The following TAFA2 variants were observed in gnomAD, a reference collection of about 807,000 sequenced individuals.
TAFA2 encodes the protein chemokine-like protein TAFA-2.
Under a neutral mutation model 18.8 loss-of-function variants are expected in TAFA2, and 7 were observed. That is an observed-to-expected ratio of 0.37 (90% confidence interval 0.21 to 0.70). The LOEUF (loss-of-function observed/expected upper bound fraction) is 0.70. TAFA2 is among the 30% of genes least tolerant of loss of function. The pLI, the probability that TAFA2 is intolerant of heterozygous loss-of-function variation, is 0.53. For synonymous variants in TAFA2, 60 were observed against 54.2 expected (o/e 1.11, Z -0.47); for missense variants, 122 against 158.1 (o/e 0.77, Z 1.23).
At chr12:61,924,538 C>T (rs1877194957) in intron 1 of TAFA2, among the ~76,000 whole-genome samples, 1 of 152,144 alleles carries the variant, frequency 6.6e-6, no homozygotes, top group South Asian at 2.1e-4. Context: ...CAAGCAAATG[C>T]TGAGAGATTT....
intron 1 of TAFA2, among the ~76,000 whole-genome samples, chr12:61,930,163 T>A (rs12305191): frequency 0.044 from 6,643 of 151,354 alleles, 479 homozygotes; most frequent in African/African-American, 0.15. Context: ...AATAAAAAAA[T>A]AAATAAATAA....
chr12:61,997,563 G>T (rs1250406595), intron 1 of TAFA2, among the ~76,000 whole-genome samples: 3 of 152,116 alleles, frequency 2.0e-5, no homozygotes, highest in Non-Finnish European at 1.5e-5. Context: ...GTTAAGAAAA[G>T]GGGAGGTGGT....
intron 1 of TAFA2, among the ~76,000 whole-genome samples, chr12:61,882,696 A>C (rs189799392): frequency 6.6e-6 from 1 of 152,080 alleles, no homozygotes; most frequent in East Asian, 1.9e-4. Flanking sequence ...ACCTTAAAAA[A>C]CCGCCTCACT....
At chr12:61,880,063 C>A in intron 1 of TAFA2, 14 of 659,748 alleles carry the variant, frequency 2.1e-5, no homozygotes, top group East Asian at 2.8e-5. Flanking sequence ...TGGTGCTGTC[C>A]ATAGACAGCA....
chr12:61,799,993 A>G (rs912227987), intron 2 of TAFA2, among the ~76,000 whole-genome samples: 2 of 152,182 alleles, frequency 1.3e-5, no homozygotes, highest in Non-Finnish European at 2.9e-5. Context: ...AATAAAATCA[A>G]GTAAATCACA....
At chr12:61,767,802 A>G (rs932723934) in intron 2 of TAFA2, among the ~76,000 whole-genome samples, 2 of 149,430 alleles carry the variant, frequency 1.3e-5, no homozygotes, top group Non-Finnish European at 1.5e-5. Flanking sequence ...TAGTTTTTAG[A>G]AAAAAAAAGC....
chr12:62,034,086 A>C (rs1881535214), intron 1 of TAFA2, among the ~76,000 whole-genome samples: 1 of 152,190 alleles, frequency 6.6e-6, no homozygotes, highest in South Asian at 2.1e-4. Flanking sequence ...GACATAATTC[A>C]TGTATTTAGA....
At chr12:61,932,766 A>G (rs897908139) in intron 1 of TAFA2, among the ~76,000 whole-genome samples, 1 of 152,160 alleles carries the variant, frequency 6.6e-6, no homozygotes, top group Non-Finnish European at 1.5e-5. Flanking sequence ...GGCCCAGGAC[A>G]GGCCCGCAAA....
chr12:61,861,244 G>T (rs1874113724), intron 2 of TAFA2, among the ~76,000 whole-genome samples: 1 of 148,478 alleles, frequency 6.7e-6, no homozygotes, highest in Non-Finnish European at 1.5e-5. Flanking sequence ...AGGCCACTGT[G>T]CCTGGCCTCG....
intron 1 of TAFA2, among the ~76,000 whole-genome samples, chr12:62,157,272 T>C (rs113133821): frequency 1.3e-5 from 2 of 152,168 alleles, no homozygotes; most frequent in African/African-American, 4.8e-5. Context: ...AGAGGATTTT[T>C]TTTTATTTAA....
At chr12:62,129,280 T>C (rs1431194134) in intron 1 of TAFA2, among the ~76,000 whole-genome samples, 1 of 152,050 alleles carries the variant, frequency 6.6e-6, no homozygotes, top group Non-Finnish European at 1.5e-5. Flanking sequence ...CCATACCACC[T>C]ATTATTTTTA....
chr12:62,247,692 T>A (rs1592419082), intron 1 of TAFA2, among the ~76,000 whole-genome samples: 1 of 152,306 alleles, frequency 6.6e-6, no homozygotes, highest in African/African-American at 2.4e-5. Context: ...AACTAGAAGA[T>A]CCATAAACAA....
intron 2 of TAFA2, among the ~76,000 whole-genome samples, chr12:61,803,912 A>T (rs958624683): frequency 6.6e-6 from 1 of 151,982 alleles, no homozygotes; most frequent in African/African-American, 2.4e-5. Flanking sequence ...CAATAGCTAT[A>T]ATTTATATAT....
At chr12:61,791,330 C>A (rs1202426779) in intron 2 of TAFA2, among the ~76,000 whole-genome samples, 1 of 151,526 alleles carries the variant, frequency 6.6e-6, no homozygotes, top group Non-Finnish European at 1.5e-5. Flanking sequence ...AAAGCACAGG[C>A]AACAAAAGCA....
At chr12:61,826,406 A>G (rs981243355) in intron 2 of TAFA2, among the ~76,000 whole-genome samples, 3 of 151,864 alleles carry the variant, frequency 2.0e-5, no homozygotes, top group African/African-American at 7.2e-5. Context: ...ATTGATGTAA[A>G]ATAGCTGGCA....
At chr12:61,954,540 A>AACAC (rs140612320) in intron 1 of TAFA2, among the ~76,000 whole-genome samples, 22 of 150,912 alleles carry the variant, frequency 1.5e-4, no homozygotes, top group African/African-American at 5.1e-4. Flanking sequence ...TAAAACACAA[A>AACAC]ACACACACAC....
chr12:61,818,044 A>G (rs922615200), intron 2 of TAFA2, among the ~76,000 whole-genome samples: 1 of 152,152 alleles, frequency 6.6e-6, no homozygotes, highest in African/African-American at 2.4e-5. Flanking sequence ...ATTCCTCCTC[A>G]TAATTCAGAG....
intron 2 of TAFA2, among the ~76,000 whole-genome samples, chr12:61,861,878 A>G (rs1874144740): frequency 6.6e-6 from 1 of 152,248 alleles, no homozygotes. Context: ...GATCCATTCA[A>G]TCAAAAGTTC....
chr12:61,809,305 T>A (rs750891806), intron 2 of TAFA2, among the ~76,000 whole-genome samples: 1 of 151,606 alleles, frequency 6.6e-6, no homozygotes, highest in East Asian at 1.9e-4. Flanking sequence ...AGCATCTTCC[T>A]TATATTTAGG....
Sources: allele counts gnomAD v4.1 joint callset (sites outside exome capture counted in the v4.1 genomes callset), GRCh38; gene constraint gnomAD v4.1.1; transcripts MANE v1.5; gene names NCBI Gene and HGNC (gene_info 2026-07-23, HGNC 2026-07-21).